Variants in PCMT1 observed in about 807,000 individuals in gnomAD.
PCMT1 encodes protein-L-isoaspartate(D-aspartate) O-methyltransferase.
A neutral mutation model predicts 29.2 loss-of-function variants in PCMT1; 9 were observed. That is an observed-to-expected ratio of 0.31 (90% CI 0.19 to 0.54). The LOEUF is 0.54. Ranked by LOEUF, PCMT1 falls within the 20% of genes least tolerant of loss-of-function variation. The probability of loss-of-function intolerance (pLI) is 0.95; values close to 1 mark genes in which losing one functional copy is unlikely to be tolerated. For synonymous variants in PCMT1, 98 were observed against 97.5 expected (o/e 1.00, Z -0.03); for missense variants, 184 against 282.2 (o/e 0.65, Z 2.49).
chr6:149,752,322 C>G (rs1052750525), intron 1 of PCMT1, among the ~76,000 whole-genome samples: 1 of 151,914 alleles, frequency 6.6e-6, no homozygotes, highest in Non-Finnish European at 1.5e-5. Flanking sequence ...CTCAGCCTCC[C>G]GAGTAGCTGG....
At position 149,762,543 on chromosome 6, in the gene PCMT1, TC is replaced by T. The variant is rs1212826657; in HGVS notation, c.56-8618del. ...GATATATATATCTATGATATATATA[TC>T]TATGATATATATATATCTATGATAT... On this transcript the variant is annotated intron_variant, in intron 1 of 7. Transcript: ENST00000464889. 1.4e-4 allele frequency among the ~76,000 whole-genome samples: 2 copies of T among 14,244 alleles called. 1 individual carries two copies. The highest frequency in any genetic ancestry group is 2.1e-4 in the Non-Finnish European group (2 of 9,720). 9.3% of individuals were successfully genotyped at this position (14,244 alleles called of 152,430 possible).
intron 3 of PCMT1, among the ~76,000 whole-genome samples, chr6:149,773,648 G>A (rs975450739): frequency 3.9e-5 from 6 of 152,154 alleles, no homozygotes; most frequent in South Asian, 2.1e-4. Flanking sequence ...CAAAGTGCTG[G>A]GATTACAGGC....
In PCMT1 at chr6:149,773,183, G is replaced by T. The variant is rs1306458508; in HGVS notation, c.192+14G>T. 1 of 1,593,762 alleles carries T rather than the reference G, an allele frequency of 6.3e-7. No homozygotes were observed. The highest frequency in any genetic ancestry group is 8.6e-7 in the Non-Finnish European group (1 of 1,164,294). Reference sequence around the variant, plus strand: ...GCTCCACACATGGTAAGTTAAGTTTGTTCACTTGGTTACAAATGGATTACA... The same window carrying T: ...GCTCCACACATGGTAAGTTAAGTTTTTTCACTTGGTTACAAATGGATTACA... On this transcript the variant is annotated intron_variant, in intron 3 of 7. Transcript: ENST00000464889.
intron 6 of PCMT1, chr6:149,798,937 T>A (rs927299031): frequency 6.6e-6 from 1 of 152,204 alleles, no homozygotes; most frequent in Non-Finnish European, 1.5e-5. Context: ...ATGGACATAA[T>A]TCTAACACAA....
At chr6:149,760,752 T>C (rs1213833641) in intron 1 of PCMT1, among the ~76,000 whole-genome samples, 2 of 152,118 alleles carry the variant, frequency 1.3e-5, no homozygotes, top group Non-Finnish European at 2.9e-5. Flanking sequence ...CTTGGGAGGC[T>C]GAGGCAGGAC....
At chr6:149,761,737 G>T (rs749194115) in intron 1 of PCMT1, among the ~76,000 whole-genome samples, 1 of 152,126 alleles carries the variant, frequency 6.6e-6, no homozygotes, top group Non-Finnish European at 1.5e-5. Context: ...GTAAGAAAGG[G>T]TATTAGGGAG....
At chr6:149,752,534 A>G (rs1460862544) in intron 1 of PCMT1, among the ~76,000 whole-genome samples, 2 of 152,150 alleles carry the variant, frequency 1.3e-5, no homozygotes, top group African/African-American at 4.8e-5. Context: ...TGTCAGGTTC[A>G]TTTTATGGAA....
chr6:149,795,900 C>T (rs1039009402), intron 5 of PCMT1, among the ~76,000 whole-genome samples: 7 of 152,100 alleles, frequency 4.6e-5, no homozygotes, highest in Admixed American at 2.6e-4. Flanking sequence ...TTTTCAGTTC[C>T]GTTATCTCCA....
chr6:149,753,282 T>C (rs1786396619), intron 1 of PCMT1, among the ~76,000 whole-genome samples: 1 of 152,118 alleles, frequency 6.6e-6, no homozygotes, highest in South Asian at 2.1e-4. Flanking sequence ...TGTGTTGATG[T>C]TGAAATGAAA....
chr6:149,810,562 A>G (rs1241089699), intron 7 of PCMT1, 54 bp from the exon 8 acceptor site: 2 of 1,433,188 alleles, frequency 1.4e-6, no homozygotes, highest in African/African-American at 1.4e-5. Context: ...TTATAAAGCC[A>G]AATTGGGTAG....
At chr6:149,768,504 C>T (rs1212093648) in intron 1 of PCMT1, among the ~76,000 whole-genome samples, 2 of 139,518 alleles carry the variant, frequency 1.4e-5, no homozygotes, top group Non-Finnish European at 3.0e-5. Context: ...CAGGCTGGAG[C>T]GCAGTGGCAT....
Position 149,749,751 on chromosome 6 carries a change from C to CAGCGGCGGCGACGGCAGT in PCMT1, c.-149_-132dup. 5 of 1,545,542 alleles carry CAGCGGCGGCGACGGCAGT rather than the reference C, an allele frequency of 3.2e-6. No homozygotes were observed. Among genetic ancestry groups the CAGCGGCGGCGACGGCAGT allele is most frequent in the Non-Finnish European group, 4.4e-6 (5 of 1,144,404 alleles). On this transcript the variant is annotated 5_prime_UTR_variant, in exon 1 of 8. Coordinates refer to ENST00000464889, the MANE Select transcript of PCMT1 (RefSeq NM_001360452.2). ...GGATGCCGGGAGCGCGCAGTGGCGG[C>CAGCGGCGGCGACGGCAGT]AGCGGCGGCGACGGCAGTAACAGCG... is the stretch of plus-strand genomic sequence containing the variant.
chr6:149,782,527 C>A (rs1287862906), intron 3 of PCMT1, among the ~76,000 whole-genome samples: 5 of 152,144 alleles, frequency 3.3e-5, no homozygotes, highest in Non-Finnish European at 7.3e-5. Flanking sequence ...ATCCTAAATA[C>A]CACTGCTTAC....
chr6:149,763,166 TATCTA>T (rs1786912886), intron 1 of PCMT1, among the ~76,000 whole-genome samples: 1 of 79,946 alleles, frequency 1.3e-5, no homozygotes, highest in Non-Finnish European at 1.9e-5. Flanking sequence ...ATATCTATGA[TATCTA>T]TGATATATAT....
chr6:149,787,096 C>CG (rs1487471386), intron 3 of PCMT1, among the ~76,000 whole-genome samples: 2 of 141,516 alleles, frequency 1.4e-5, no homozygotes, highest in Non-Finnish European at 3.0e-5. Flanking sequence ...GCCAACACAG[C>CG]GAAACCCCGT....
intron 3 of PCMT1, among the ~76,000 whole-genome samples, chr6:149,780,732 A>G (rs1214703793): frequency 6.6e-6 from 1 of 152,224 alleles, no homozygotes; most frequent in East Asian, 1.9e-4. Flanking sequence ...TTGTATGGAT[A>G]TACAACATTT....
At chr6:149,772,599 G>GGACTGTTT (rs1427939284) in intron 2 of PCMT1, 1 of 455,566 alleles carries the variant, frequency 2.2e-6, no homozygotes, top group East Asian at 7.0e-5. Flanking sequence ...TACTTTAGAG[G>GGACTGTTT]GACTGTTTTA....
chr6:149,773,376 GTTTT>G (rs1166455912), intron 3 of PCMT1, among the ~76,000 whole-genome samples: 1 of 151,382 alleles, frequency 6.6e-6, no homozygotes, highest in Non-Finnish European at 1.5e-5. Flanking sequence ...GTTTTGTTTT[GTTTT>G]GTTTTGTTTT....
Position 149,749,847 on chromosome 6 carries a change from G to A in PCMT1, c.-55G>A. Reference sequence around the variant, plus strand: ...TGGTCTCACTCTTGGGAAAACTGCTGGGCACCGTCGTCGCGCTGAAGGTGG... The same window carrying A: ...TGGTCTCACTCTTGGGAAAACTGCTAGGCACCGTCGTCGCGCTGAAGGTGG... On this transcript the variant is annotated 5_prime_UTR_variant, in exon 1 of 8. Coordinates refer to ENST00000464889, the MANE Select transcript of PCMT1 (RefSeq NM_001360452.2). The A allele has an allele frequency of 6.3e-7, 1 of 1,581,274 alleles. No homozygotes were observed. The highest frequency in any genetic ancestry group is 8.6e-7 in the Non-Finnish European group (1 of 1,163,428).
Sources: gnomAD v4.1 joint callset for allele counts (sites outside exome capture counted in the v4.1 genomes callset) on GRCh38, gnomAD v4.1.1 for gene constraint, MANE v1.5 for transcripts, NCBI Gene and HGNC (gene_info 2026-07-23, HGNC 2026-07-21) for gene names.